Variants in DGKB observed in about 807,000 individuals in gnomAD.
DGKB encodes 90 kDa diacylglycerol kinase.
Under a neutral mutation model 114.3 loss-of-function variants are expected in DGKB, and 67 were observed. The observed-to-expected ratio is 0.59, with a 90% confidence interval of 0.48 to 0.72. The LOEUF (loss-of-function observed/expected upper bound fraction) is 0.72. Ranked by LOEUF, DGKB falls within the 30% of genes least tolerant of loss-of-function variation. The probability of loss-of-function intolerance (pLI) is 0.00; values close to 1 mark genes in which losing one functional copy is unlikely to be tolerated. For synonymous variants in DGKB, 398 were observed against 323.1 expected, an observed-to-expected ratio of 1.23 and a Z score of -2.49; for missense variants, 907 against 975.2, an observed-to-expected ratio of 0.93 and a Z score of 0.93.
At chr7:14,808,235 T>C (rs1842993132) in intron 2 of DGKB, among the ~76,000 whole-genome samples, 3 of 152,042 alleles carry the variant, frequency 2.0e-5, no homozygotes, top group Admixed American at 2.0e-4. Context: ...CCCAAAATAC[T>C]AATCCCAAAG....
intron 21 of DGKB, among the ~76,000 whole-genome samples, chr7:14,355,990 C>G (rs1489508461): frequency 6.6e-6 from 1 of 152,068 alleles, no homozygotes; most frequent in Non-Finnish European, 1.5e-5. Context: ...TTGACTTATT[C>G]CTGGTTTAGT....
chr7:14,328,258 T>C (rs1809100701), intron 23 of DGKB, among the ~76,000 whole-genome samples: 1 of 152,108 alleles, frequency 6.6e-6, no homozygotes, highest in Admixed American at 6.6e-5. Context: ...CGAAGAGACA[T>C]ACATTTATAT....
intron 23 of DGKB, among the ~76,000 whole-genome samples, chr7:14,287,860 C>G (rs1013840595): frequency 6.6e-6 from 1 of 152,082 alleles, no homozygotes; most frequent in Non-Finnish European, 1.5e-5. Context: ...GGACAGCCTG[C>G]CCTCACAGAA....
chr7:14,401,326 C>A (rs1435671396), intron 21 of DGKB, among the ~76,000 whole-genome samples: 3 of 151,846 alleles, frequency 2.0e-5, no homozygotes, highest in African/African-American at 7.2e-5. Flanking sequence ...CCTTATCTAC[C>A]ATCTCATAAG....
At chr7:14,564,918 T>C (rs1797173898) in intron 20 of DGKB, among the ~76,000 whole-genome samples, 1 of 152,152 alleles carries the variant, frequency 6.6e-6, no homozygotes, top group Admixed American at 6.6e-5. Context: ...TCTTCTCTTT[T>C]TGAGCTCTCC....
intron 4 of DGKB, among the ~76,000 whole-genome samples, chr7:14,742,233 G>A (rs1832683718): frequency 6.6e-6 from 1 of 152,060 alleles, no homozygotes; most frequent in Non-Finnish European, 1.5e-5. Context: ...TTCTTGAAGG[G>A]CTCCACCCTC....
intron 23 of DGKB, among the ~76,000 whole-genome samples, chr7:14,200,664 G>A (rs1584412630): frequency 1.3e-5 from 2 of 151,990 alleles, no homozygotes; most frequent in African/African-American, 4.8e-5. Context: ...ACCAACAGAT[G>A]CTTAGTAGAT....
chr7:14,824,115 T>C lies in DGKB; in HGVS notation c.70+17079A>G, dbSNP rs76356655. On this transcript the variant is annotated intron_variant, in intron 2 of 25. Coordinates refer to ENST00000402815, the MANE Select transcript of DGKB (RefSeq NM_001350709.2). ...ATCTCATGAGACTTATTCACTATTA[T>C]GGGAAAGAGCACAGGAAAGACCCAC... is the stretch of plus-strand genomic sequence containing the variant. Among the ~76,000 whole-genome samples, 1,086 of 152,026 alleles carry C rather than the reference T, an allele frequency of 7.1e-3. 15 individuals carry two copies. Among genetic ancestry groups the C allele is most frequent in the African/African-American group, 0.025 (1,054 of 41,450 alleles).
intron 20 of DGKB, among the ~76,000 whole-genome samples, chr7:14,562,150 A>G (rs1433583037): frequency 6.6e-6 from 1 of 152,222 alleles, no homozygotes; most frequent in East Asian, 1.9e-4. Flanking sequence ...AGCAAGCTCT[A>G]AGCCTTGGCA....
intron 21 of DGKB, among the ~76,000 whole-genome samples, chr7:14,389,051 T>C (rs1163696865): frequency 7.1e-6 from 1 of 141,730 alleles, no homozygotes; most frequent in African/African-American, 2.5e-5. Flanking sequence ...TTACAAATCA[T>C]TTTTTTGCTG....
chr7:14,462,466 C>A (rs550171683), intron 21 of DGKB, among the ~76,000 whole-genome samples: 1 of 152,196 alleles, frequency 6.6e-6, no homozygotes, highest in East Asian at 1.9e-4. Context: ...CAATAATAGA[C>A]CAAGAGCCAA....
intron 21 of DGKB, among the ~76,000 whole-genome samples, chr7:14,405,381 C>A (rs1434302022): frequency 6.6e-6 from 1 of 152,008 alleles, no homozygotes; most frequent in African/African-American, 2.4e-5. Context: ...TGAAATAATT[C>A]ATGACAAGCT....
At chr7:14,752,853 T>G (rs1379966003) in intron 4 of DGKB, among the ~76,000 whole-genome samples, 1 of 152,170 alleles carries the variant, frequency 6.6e-6, no homozygotes, top group South Asian at 2.1e-4. Context: ...ATGACTACAT[T>G]AGAGTAAATG....
At chr7:14,800,084 C>G (rs1841951196) in intron 2 of DGKB, among the ~76,000 whole-genome samples, 1 of 151,930 alleles carries the variant, frequency 6.6e-6, no homozygotes, top group South Asian at 2.1e-4. Context: ...GCCTGGCTAA[C>G]TTTTTGTGTT....
chr7:14,752,144 T>C (rs1189296913), intron 4 of DGKB, among the ~76,000 whole-genome samples: 16 of 152,176 alleles, frequency 1.1e-4, no homozygotes. Context: ...TCTGTTATAC[T>C]TTCCTTATCC....
intron 21 of DGKB, among the ~76,000 whole-genome samples, chr7:14,407,140 T>C (rs373717433): frequency 6.6e-6 from 1 of 152,082 alleles, no homozygotes; most frequent in Non-Finnish European, 1.5e-5. Context: ...TTCTAGTGCA[T>C]GAATGTGACA....
intron 2 of DGKB, among the ~76,000 whole-genome samples, chr7:14,769,235 A>AAAGAAAGAAAGC (rs1318492633): frequency 5.1e-5 from 6 of 118,268 alleles, no homozygotes; most frequent in Admixed American, 8.6e-5. Context: ...AGAGAGAAAG[A>AAAGAAAGAAAGC]AAGAAAGAAA....
chr7:14,369,834 G>T (rs1010223558), intron 21 of DGKB, among the ~76,000 whole-genome samples: 2 of 152,096 alleles, frequency 1.3e-5, no homozygotes, highest in African/African-American at 4.8e-5. Flanking sequence ...TTTGTCAGAT[G>T]GATAGACTGC....
chr7:14,919,474 C>A (rs994068129), intron 1 of DGKB, among the ~76,000 whole-genome samples: 1 of 152,112 alleles, frequency 6.6e-6, no homozygotes, highest in Admixed American at 6.5e-5. Context: ...TTACATGTTT[C>A]ACAAAAAATA....
Sources: allele counts gnomAD v4.1 joint callset (sites outside exome capture counted in the v4.1 genomes callset), GRCh38; gene constraint gnomAD v4.1.1; transcripts MANE v1.5; gene names NCBI Gene and HGNC (gene_info 2026-07-23, HGNC 2026-07-21).